GPC5: variants seen among roughly 807,000 people sequenced by gnomAD.
GPC5 encodes glypican 5, also known as glypican-5.
A neutral mutation model predicts 53.9 loss-of-function variants in GPC5; 47 were observed. The ratio of observed to expected loss-of-function variants is 0.87; its 90% CI spans 0.69 to 1.11. The LOEUF is 1.11. Among genes scored for constraint, GPC5 ranks in the 50% most tolerant of loss-of-function variants. The probability of loss-of-function intolerance (pLI) is 0.00; values close to 1 mark genes in which losing one functional copy is unlikely to be tolerated. For synonymous variants in GPC5, 286 were observed against 263.3 expected, an observed-to-expected ratio of 1.09 and a Z score of -0.84; for missense variants, 748 against 713.1, an observed-to-expected ratio of 1.05 and a Z score of -0.56.
intron 6 of GPC5, among the ~76,000 whole-genome samples, chr13:92,138,857 G>A (rs982050171): frequency 6.6e-5 from 10 of 152,096 alleles, no homozygotes; most frequent in African/African-American, 2.4e-4. Context: ...AAGAATAGGG[G>A]AGGACTTCCT....
chr13:91,960,793 A>G (rs1052790919), intron 6 of GPC5, among the ~76,000 whole-genome samples: 1 of 152,016 alleles, frequency 6.6e-6, no homozygotes, highest in Non-Finnish European at 1.5e-5. Flanking sequence ...AGAGGTGTCA[A>G]GAACATACAC....
chr13:91,476,685 G>T (rs1282082828), intron 2 of GPC5, among the ~76,000 whole-genome samples: 1 of 152,064 alleles, frequency 6.6e-6, no homozygotes, highest in Non-Finnish European at 1.5e-5. Context: ...AACAGAGGAG[G>T]ATTACTCTAC....
chr13:92,610,675 A>G (rs1312790087), intron 7 of GPC5, among the ~76,000 whole-genome samples: 1 of 152,192 alleles, frequency 6.6e-6, no homozygotes, highest in Non-Finnish European at 1.5e-5. Context: ...TAATTGACTC[A>G]TAGTTCAGCA....
chr13:92,008,924 A>G (rs970497088), intron 6 of GPC5, among the ~76,000 whole-genome samples: 13 of 152,034 alleles, frequency 8.6e-5, no homozygotes, highest in African/African-American at 2.4e-4. Flanking sequence ...AAATTCACCA[A>G]TCTTTCCTTC....
In GPC5 at chr13:92,107,105, GT is replaced by G. The variant is rs1331589963; in HGVS notation, c.1402-37717del. On this transcript the variant is annotated intron_variant, in intron 6 of 7. Transcript: ENST00000377067. ...AACACAATTTTTCTCACTTTTATAA[GT>G]TTTTTTTAGTTGGGCCGTTTTTCAG... Among the ~76,000 whole-genome samples the G allele has an allele frequency of 2.3e-4, 35 of 151,890 alleles. No individual in the cohort carries two copies. The East Asian group carries it at 6.6e-3, about 29-fold the overall frequency.
intron 4 of GPC5, among the ~76,000 whole-genome samples, chr13:91,749,401 A>G (rs1034366785): frequency 2.6e-5 from 4 of 152,242 alleles, no homozygotes; most frequent in Non-Finnish European, 4.4e-5. Context: ...TGTATAATAT[A>G]GACCACATTT....
At chr13:92,675,565 T>C (rs1448282109) in intron 7 of GPC5, among the ~76,000 whole-genome samples, 1 of 147,782 alleles carries the variant, frequency 6.8e-6, no homozygotes, top group Non-Finnish European at 1.5e-5. Flanking sequence ...GTGATTAATG[T>C]ATTTTGTCCC....
intron 7 of GPC5, among the ~76,000 whole-genome samples, chr13:92,583,455 T>C (rs542667410): frequency 7.9e-5 from 12 of 152,260 alleles, no homozygotes; most frequent in East Asian, 1.9e-4. Flanking sequence ...TTGGAGAAGA[T>C]TGAATATAGA....
chr13:91,881,889 A>G (rs760947638), intron 5 of GPC5, among the ~76,000 whole-genome samples: 12 of 152,202 alleles, frequency 7.9e-5, no homozygotes, highest in African/African-American at 1.2e-4. Context: ...GAGCATCTGG[A>G]TAAACCTAAT....
At chr13:92,174,076 G>A (rs2042089984) in intron 7 of GPC5, among the ~76,000 whole-genome samples, 1 of 152,108 alleles carries the variant, frequency 6.6e-6, no homozygotes, top group Non-Finnish European at 1.5e-5. Flanking sequence ...CTGCACTCTA[G>A]CCTGGGTGAC....
rs139329980 is a variant in GPC5 at position 92,002,763 on chromosome 13, C to T, written c.1401+94706C>T. Reference sequence around the variant, plus strand: ...TTAGGAATGACCAAATCAGACAATACTACAGGCTGGTGTATCTTAATTTCT... The same window carrying T: ...TTAGGAATGACCAAATCAGACAATATTACAGGCTGGTGTATCTTAATTTCT... On this transcript the variant is annotated intron_variant, in intron 6 of 7. Transcript: ENST00000377067. 4.2e-3 allele frequency among the ~76,000 whole-genome samples: 643 copies of T among 152,260 alleles called. 4 individuals carry two copies. The highest frequency in any genetic ancestry group is 0.015 in the African/African-American group (622 of 41,558).
chr13:91,858,462 C>T (rs771984767), intron 5 of GPC5, among the ~76,000 whole-genome samples: 4 of 151,866 alleles, frequency 2.6e-5, no homozygotes, highest in Non-Finnish European at 4.4e-5. Context: ...TATGATGCAT[C>T]GCATTAATTG....
chr13:92,056,285 T>C (rs1326193802), intron 6 of GPC5, among the ~76,000 whole-genome samples: 1 of 152,138 alleles, frequency 6.6e-6, no homozygotes, highest in Non-Finnish European at 1.5e-5. Context: ...CCCTTCTCTT[T>C]TATACTTTTG....
chr13:92,427,478 T>C, intron 7 of GPC5, among the ~76,000 whole-genome samples: 1 of 150,646 alleles, frequency 6.6e-6, no homozygotes, highest in Admixed American at 6.6e-5. Context: ...GAGGGAATGG[T>C]GAGAGAGAGA....
At chr13:92,768,328 C>CTACTT (rs1213527033) in intron 7 of GPC5, among the ~76,000 whole-genome samples, 1 of 152,118 alleles carries the variant, frequency 6.6e-6, no homozygotes, top group Admixed American at 6.5e-5. Flanking sequence ...TCATTTTCAT[C>CTACTT]TACTTTACTT....
Position 91,414,300 on chromosome 13 carries a change from C to T in GPC5, c.163+15091C>T, listed in dbSNP as rs561015507. On this transcript the variant is annotated intron_variant, in intron 1 of 7. Transcript: ENST00000377067. ...CCCCTTTGCGCGGCATTTACTCTGT[C>T]CTGCCACCTTGTGAAGAAAGTGCCT... is the stretch of plus-strand genomic sequence containing the variant. 8.5e-5 allele frequency among the ~76,000 whole-genome samples: 13 copies of T among 152,330 alleles called. No individual in the cohort carries two copies. In the East Asian group the frequency reaches 1.3e-3, roughly 16 times the overall value.
intron 7 of GPC5, among the ~76,000 whole-genome samples, chr13:92,853,295 A>T (rs1594551258): frequency 6.6e-6 from 1 of 151,686 alleles, no homozygotes; most frequent in Non-Finnish European, 1.5e-5. Context: ...TCAGAGAGAG[A>T]GAGTCTACAT....
chr13:91,792,254 A>G (rs1225579701), intron 5 of GPC5, among the ~76,000 whole-genome samples: 4 of 152,192 alleles, frequency 2.6e-5, no homozygotes, highest in Non-Finnish European at 5.9e-5. Flanking sequence ...TTTCTTGATA[A>G]CCAGAATCAA....
intron 6 of GPC5, among the ~76,000 whole-genome samples, chr13:91,984,624 A>G (rs1204560287): frequency 6.6e-6 from 1 of 152,186 alleles, no homozygotes; most frequent in Non-Finnish European, 1.5e-5. Context: ...TGTGGTGTAT[A>G]GTTGTATCTA....
Sources: allele counts gnomAD v4.1 joint callset (sites outside exome capture counted in the v4.1 genomes callset), GRCh38; gene constraint gnomAD v4.1.1; transcripts MANE v1.5; gene names NCBI Gene and HGNC (gene_info 2026-07-23, HGNC 2026-07-21).